NRXN1: variants seen among roughly 807,000 people sequenced by gnomAD.
The protein encoded by NRXN1 is neurexin-1.
Under a neutral mutation model 150.9 loss-of-function variants are expected in NRXN1, and 39 were observed. The observed-to-expected ratio is 0.26, with a 90% CI of 0.20 to 0.34. NRXN1 has a LOEUF of 0.34. Among genes scored for constraint, NRXN1 ranks in the 10% least tolerant of loss-of-function variants. NRXN1 has a pLI of 1.00. For synonymous variants in NRXN1, 924 were observed against 757.0 expected, an observed-to-expected ratio of 1.22 and a Z score of -3.62; for missense variants, 1,815 against 1,949.9, an observed-to-expected ratio of 0.93 and a Z score of 1.30.
intron 21 of NRXN1, among the ~76,000 whole-genome samples, chr2:49,946,636 G>A (rs1672949789): frequency 6.6e-6 from 1 of 152,094 alleles, no homozygotes; most frequent in Admixed American, 6.6e-5. Flanking sequence ...TTATTAAATA[G>A]GGAATCCTTT....
intron 5 of NRXN1, among the ~76,000 whole-genome samples, chr2:50,821,806 A>C (rs1226484565): frequency 2.0e-5 from 3 of 152,190 alleles, no homozygotes; most frequent in African/African-American, 7.2e-5. Context: ...TAAACAAGGA[A>C]ATAAAAAAAT....
At chr2:50,834,865 C>A (rs1671895714) in intron 5 of NRXN1, among the ~76,000 whole-genome samples, 1 of 152,064 alleles carries the variant, frequency 6.6e-6, no homozygotes, top group Non-Finnish European at 1.5e-5. Flanking sequence ...CCTTTAGAAA[C>A]ACTGGACCAG....
At chr2:50,540,148 A>G (rs1477253600) in intron 9 of NRXN1, among the ~76,000 whole-genome samples, 1 of 152,204 alleles carries the variant, frequency 6.6e-6, no homozygotes, top group Non-Finnish European at 1.5e-5. Flanking sequence ...AGACTTTCAG[A>G]GAAAGAAAAG....
chr2:49,990,423 T>C (rs961849694), intron 21 of NRXN1, among the ~76,000 whole-genome samples: 1 of 152,186 alleles, frequency 6.6e-6, no homozygotes, highest in Non-Finnish European at 1.5e-5. Flanking sequence ...TTATTCTATA[T>C]ATGATAGGAA....
At chr2:50,275,101 G>C (rs190140417) in intron 17 of NRXN1, among the ~76,000 whole-genome samples, 73 of 152,228 alleles carry the variant, frequency 4.8e-4, no homozygotes, top group African/African-American at 1.8e-3. Flanking sequence ...TGCTCCTTTA[G>C]AGGTCCTGTG....
chr2:50,737,728 A>G (rs1056985294), intron 5 of NRXN1, among the ~76,000 whole-genome samples: 6 of 152,112 alleles, frequency 3.9e-5, no homozygotes, highest in African/African-American at 1.2e-4. Context: ...AAACTTTGCA[A>G]TTTTTAAAAT....
chr2:50,358,423 G>C (rs990643166), intron 17 of NRXN1, among the ~76,000 whole-genome samples: 2 of 152,190 alleles, frequency 1.3e-5, no homozygotes, highest in Admixed American at 6.5e-5. Flanking sequence ...ACTGAGGCTT[G>C]AGTAGGTGGT....
chr2:50,526,058 G>C (rs1334609233), intron 12 of NRXN1, among the ~76,000 whole-genome samples: 2 of 152,180 alleles, frequency 1.3e-5, no homozygotes, highest in Admixed American at 6.5e-5. Flanking sequence ...AGATTAGATA[G>C]TCTGACACTA....
rs1687128690 is a variant in NRXN1, at chr2:50,019,354, G to A, written c.4128+33917C>T. 4 of 470,670 alleles carry A rather than the reference G, an allele frequency of 8.5e-6. No individual in the cohort carries two copies. In the Admixed American group the frequency reaches 9.4e-5, roughly 11 times the overall value. 29.2% of individuals were successfully genotyped at this position (470,670 alleles called of 1,614,324 possible). ...TCGCTTGGAAATTTAGTACTTAAGA[G>A]CTAGGTCGGGCTGGGCGCGGTGGCT... On this transcript the variant is annotated intron_variant, in intron 21 of 22. Transcript: ENST00000401669.
At chr2:50,550,203 G>A (rs192609246) in intron 9 of NRXN1, among the ~76,000 whole-genome samples, 4 of 151,838 alleles carry the variant, frequency 2.6e-5, no homozygotes, top group South Asian at 2.1e-4. Flanking sequence ...GAAGATAACC[G>A]TCTAATCTGA....
intron 8 of NRXN1, among the ~76,000 whole-genome samples, chr2:50,600,449 C>T (rs1014911003): frequency 2.0e-5 from 3 of 151,570 alleles, no homozygotes; most frequent in Admixed American, 1.3e-4. Flanking sequence ...CTCAGCTTCC[C>T]GAGTAGCTGG....
chr2:50,084,636 A>G (rs2152688854), intron 19 of NRXN1, among the ~76,000 whole-genome samples: 1 of 152,306 alleles, frequency 6.6e-6, no homozygotes, highest in South Asian at 2.1e-4. Context: ...GGCCTTGGCC[A>G]TCCCAGGAAG....
intron 17 of NRXN1, among the ~76,000 whole-genome samples, chr2:50,268,849 C>T (rs1435096766): frequency 6.6e-6 from 1 of 152,150 alleles, no homozygotes; most frequent in African/African-American, 2.4e-5. Context: ...AGCATAGGTG[C>T]ATAACCAATG....
At chr2:50,966,248 T>C (rs1694051256) in intron 2 of NRXN1, among the ~76,000 whole-genome samples, 1 of 151,378 alleles carries the variant, frequency 6.6e-6, no homozygotes, top group African/African-American at 2.4e-5. Context: ...TCAGCTGTTA[T>C]AAAATGTCAG....
chr2:50,474,682 G>GA (rs1558794690), intron 15 of NRXN1, among the ~76,000 whole-genome samples: 501 of 4,112 alleles, frequency 0.12, 6 homozygotes, highest in African/African-American at 0.22. Context: ...CACAGAAATA[G>GA]CAAAAAAAAA....
At chr2:50,677,001 A>G (rs778530260) in intron 5 of NRXN1, among the ~76,000 whole-genome samples, 2 of 152,302 alleles carry the variant, frequency 1.3e-5, no homozygotes, top group Non-Finnish European at 2.9e-5. Context: ...GGGCATTCAC[A>G]GATAACAGGG....
At chr2:50,239,632 T>A (rs1409856725) in intron 17 of NRXN1, among the ~76,000 whole-genome samples, 7 of 129,468 alleles carry the variant, frequency 5.4e-5, no homozygotes, top group African/African-American at 2.0e-4. Flanking sequence ...GCAGAGTTGG[T>A]ATAAAACCCA....
At chr2:50,984,276 G>C (rs1017496677) in intron 2 of NRXN1, among the ~76,000 whole-genome samples, 5 of 150,276 alleles carry the variant, frequency 3.3e-5, no homozygotes, top group African/African-American at 1.2e-4. Flanking sequence ...TGAGCCACCA[G>C]AGTGTTCTCT....
intron 2 of NRXN1, among the ~76,000 whole-genome samples, chr2:50,955,596 A>G (rs964761537): frequency 1.3e-5 from 2 of 152,224 alleles, no homozygotes; most frequent in African/African-American, 4.8e-5. Context: ...ACAGCAGAAC[A>G]GTGCCATTTT....
Sources: allele counts gnomAD v4.1 joint callset (sites outside exome capture counted in the v4.1 genomes callset), GRCh38; gene constraint gnomAD v4.1.1; transcripts MANE v1.5; gene names NCBI Gene and HGNC (gene_info 2026-07-23, HGNC 2026-07-21).